Variants in ABCA13 observed in about 807,000 individuals in gnomAD.
ABCA13 encodes ATP binding cassette subfamily A member 13.
ABCA13 carries 476 observed loss-of-function variants against 478.7 expected under a neutral mutation model. The observed-to-expected ratio is 0.99, with a 90% CI of 0.92 to 1.07. The LOEUF (loss-of-function observed/expected upper bound fraction) is 1.07. ABCA13 is among the 50% of genes least tolerant of loss of function. ABCA13 has a pLI of 0.00. For synonymous variants in ABCA13, 2,252 were observed against 2,158.9 expected, an observed-to-expected ratio of 1.04 and a Z score of -1.20; for missense variants, 6,060 against 5,910.6, an observed-to-expected ratio of 1.03 and a Z score of -0.83.
At chr7:48,184,583 G>C (rs915081496) in intron 1 of ABCA13, among the ~76,000 whole-genome samples, 1 of 152,134 alleles carries the variant, frequency 6.6e-6, no homozygotes, top group Admixed American at 6.5e-5. Flanking sequence ...ACTTTGGAAG[G>C]CTGAGGTGGG....
intron 15 of ABCA13, among the ~76,000 whole-genome samples, chr7:48,255,515 T>C (rs1378211771): frequency 6.6e-6 from 1 of 152,186 alleles, no homozygotes; most frequent in East Asian, 1.9e-4. Context: ...TATATTTATA[T>C]GTACACCATA....
At chr7:48,293,192 G>GCACCCCC (rs748200533) in intron 20 of ABCA13, among the ~76,000 whole-genome samples, 1 of 108,280 alleles carries the variant, frequency 9.2e-6, no homozygotes. Context: ...GAAGTCTTCA[G>GCACCCCC]CCCCCCCCCC....
At chr7:48,428,068 C>A (rs1821678189) in intron 42 of ABCA13, among the ~76,000 whole-genome samples, 197 bp downstream of exon 42, 1 of 149,334 alleles carries the variant, frequency 6.7e-6, no homozygotes, top group South Asian at 2.2e-4. Context: ...AAAAAAAAAA[C>A]TGTGTGTTTA....
chr7:48,502,629 C>A (rs986442789), intron 48 of ABCA13, among the ~76,000 whole-genome samples: 14 of 152,264 alleles, frequency 9.2e-5, no homozygotes, highest in African/African-American at 3.4e-4. Context: ...GATATGCTGG[C>A]AGGGAAATAG....
intron 39 of ABCA13, among the ~76,000 whole-genome samples, chr7:48,410,270 C>T (rs1229098171): frequency 3.9e-5 from 6 of 151,950 alleles, no homozygotes; most frequent in Non-Finnish European, 5.9e-5. Flanking sequence ...TTTCACTCTC[C>T]GTGCCTGGCA....
At position 48,488,822 on chromosome 7, in the gene ABCA13, A is replaced by G. The variant is rs191918168; in HGVS notation, c.13183-414A>G. Among the ~76,000 whole-genome samples, 771 of 152,244 alleles carry G rather than the reference A, an allele frequency of 5.1e-3. 7 individuals are homozygous for G. Among genetic ancestry groups the G allele is most frequent in the South Asian group, 8.1e-3 (39 of 4,826 alleles). On this transcript the variant is annotated intron_variant, in intron 47 of 61. Transcript: ENST00000435803. ...TGTTCAGTTCAGTTTATTTTGAGAA[A>G]TAATGTTCCATGTTCAGTTATTAAT...
chr7:48,365,854 G>C (rs941706199), intron 31 of ABCA13, among the ~76,000 whole-genome samples: 1 of 152,138 alleles, frequency 6.6e-6, no homozygotes, highest in African/African-American at 2.4e-5. Flanking sequence ...AGAAGTTAAA[G>C]AGGACATAAA....
rs1367421989 is a variant in ABCA13 at position 48,278,464 on chromosome 7, G to A, written c.7270G>A (p.Ala2424Thr). The A allele has an allele frequency of 1.2e-6, 2 of 1,613,938 alleles. No homozygotes were observed. Among genetic ancestry groups the A allele is most frequent in the Admixed American group, 1.7e-5 (1 of 60,018 alleles). Residue 2424 changes from alanine (A) to threonine (T), a missense_variant, in exon 18 of 62, where the codon GCA becomes ACA. This residue lies in a region of ABCA13 where 4,423 missense variants were observed against 4,309.1 expected (regional missense o/e 1.03). Coordinates refer to ENST00000435803, the MANE Select transcript of ABCA13 (RefSeq NM_152701.5). ...HLVRECSTEM[A>T]RLLDTILHSP... ...TGTAAGAGAATGTTCAACAGAGATG[G>A]CAAGACTTCTGGATACAATTTTACA... is the stretch of plus-strand genomic sequence containing the variant.
intron 42 of ABCA13, 93 bp from the exon 43 acceptor site, chr7:48,454,944 G>C: frequency 6.4e-6 from 9 of 1,407,620 alleles, no homozygotes; most frequent in Non-Finnish European, 8.3e-6. Context: ...ATGGCTGCGA[G>C]ATGCCGCAGG....
intron 33 of ABCA13, 72 bp from the exon 34 acceptor site, chr7:48,374,275 A>C (rs1019442417): frequency 2.9e-6 from 4 of 1,376,670 alleles, no homozygotes; most frequent in Non-Finnish European, 4.0e-6. Context: ...TCCTTGAATT[A>C]AGTGTTGTGG....
chr7:48,230,987 A>T (rs1788984415), intron 7 of ABCA13, among the ~76,000 whole-genome samples: 1 of 152,144 alleles, frequency 6.6e-6, no homozygotes, highest in South Asian at 2.1e-4. Flanking sequence ...GGGGAACAAC[A>T]TACACCAGGT....
rs766361960 is a variant in ABCA13 at position 48,273,724 on chromosome 7, T to C, written c.4058T>C (p.Val1353Ala). The C allele has an allele frequency of 8.1e-6, 13 of 1,609,456 alleles. No individual in the cohort carries two copies. The South Asian group carries it at 1.2e-4, about 15-fold the overall frequency. ...LFSCADIFQN[V>A]TECILEDGFL... is the part of the protein sequence containing the mutation. ...TCCTGTGCTGATATTTTCCAAAATG[T>C]TACTGAGTGTATTTTAGAAGATGGC... The change falls in exon 17 of 62, where the codon GTT becomes GCT. Residue 1353 changes from valine (V) to alanine (A), a missense_variant. Val to Ala is a moderately conservative substitution (Grantham distance 64). This residue lies in a region of ABCA13 where 4,423 missense variants were observed against 4,309.1 expected (regional missense o/e 1.03). Transcript: ENST00000435803.
At chr7:48,408,206 C>T (rs1305476175) in intron 39 of ABCA13, among the ~76,000 whole-genome samples, 1 of 152,188 alleles carries the variant, frequency 6.6e-6, no homozygotes, top group Non-Finnish European at 1.5e-5. Flanking sequence ...AACTTTGTAT[C>T]CCTTAACTAA....
chr7:48,592,918 G>A (rs534112806), intron 57 of ABCA13, among the ~76,000 whole-genome samples: 23 of 151,886 alleles, frequency 1.5e-4, no homozygotes, highest in African/African-American at 5.3e-4. Flanking sequence ...TTTGCTTGGA[G>A]TATCTTTACC....
At chr7:48,350,595 T>C in intron 29 of ABCA13, 48 bp from the exon 30 acceptor site, 1 of 1,514,842 alleles carries the variant, frequency 6.6e-7, no homozygotes, top group East Asian at 2.3e-5. Context: ...TGGTAAGCAC[T>C]GGGGGGATAC....
intron 47 of ABCA13, among the ~76,000 whole-genome samples, chr7:48,488,482 A>G (rs1829546692): frequency 6.6e-6 from 1 of 152,204 alleles, no homozygotes; most frequent in Non-Finnish European, 1.5e-5. Context: ...GCTGTGAGGC[A>G]GCGGTAATTC....
At chr7:48,434,557 A>T (rs1217721462) in intron 42 of ABCA13, among the ~76,000 whole-genome samples, 1 of 151,830 alleles carries the variant, frequency 6.6e-6, no homozygotes, top group Non-Finnish European at 1.5e-5. Context: ...GCCTGTGCTT[A>T]TGGTGGCAAA....
intron 41 of ABCA13, 31 bp from the exon 42 acceptor site, chr7:48,427,735 A>G (rs759381398): frequency 1.1e-5 from 16 of 1,465,686 alleles, no homozygotes; most frequent in Non-Finnish European, 1.3e-5. Flanking sequence ...GAAACATAAA[A>G]TAATACATGG....
At chr7:48,387,268 T>C (rs1253255156) in intron 35 of ABCA13, among the ~76,000 whole-genome samples, 1 of 152,154 alleles carries the variant, frequency 6.6e-6, no homozygotes, top group Non-Finnish European at 1.5e-5. Context: ...CAACATGTAA[T>C]GAGGGCAAAG....
Sources: allele counts gnomAD v4.1 joint callset (sites outside exome capture counted in the v4.1 genomes callset), GRCh38; gene constraint gnomAD v4.1.1; regional missense constraint gnomAD v4.1.1; transcripts MANE v1.5; gene names NCBI Gene and HGNC (gene_info 2026-07-23, HGNC 2026-07-21).